Variants in NUP98 observed in about 807,000 individuals in gnomAD.
NUP98 encodes the protein nuclear pore complex protein Nup98-Nup96.
NUP98 carries 26 observed loss-of-function variants against 191.9 expected under a neutral mutation model. The ratio of observed to expected loss-of-function variants is 0.14; its 90% CI spans 0.10 to 0.19. The LOEUF is 0.19. Among genes scored for constraint, NUP98 ranks in the 10% least tolerant of loss-of-function variants. NUP98 has a pLI of 1.00. For missense variants in NUP98, 1,941 were observed against 2,178.8 expected (o/e 0.89, Z 2.17); for synonymous variants, 808 against 778.4 (o/e 1.04, Z -0.63).
chr11:3,731,526 T>G lies in NUP98; in HGVS notation c.1595A>C (p.His532Pro). The G allele has an allele frequency of 6.2e-7, 1 of 1,606,896 alleles. No homozygotes were observed. Among genetic ancestry groups the G allele is most frequent in the Non-Finnish European group, 8.5e-7 (1 of 1,176,210 alleles). Residue 532 changes from histidine (H) to proline (P), a missense_variant, in exon 14 of 33, where the codon CAT becomes CCT. Physicochemically the swap from His to Pro is moderately conservative, Grantham distance 77 (BLOSUM62 -2). This residue lies in a region of NUP98 where 453 missense variants were observed against 438.2 expected (regional missense o/e 1.03). Transcript: ENST00000324932. ...GGCAGGGCGGGGTGTCAGTTTATAATGAGTAGGTGTAGTAAGAGCCTTCTG... is the reference window on the plus strand; with the variant it reads ...GGCAGGGCGGGGTGTCAGTTTATAAGGAGTAGGTGTAGTAAGAGCCTTCTG... ...AAQKALTTPT[H>P]YKLTPRPATR...
chr11:3,772,792 C>A (rs1382419283), intron 6 of NUP98, among the ~76,000 whole-genome samples: 8 of 141,860 alleles, frequency 5.6e-5, no homozygotes, highest in Admixed American at 5.0e-4. Context: ...CCAGCCTAGG[C>A]AACAGAGCAA....
At chr11:3,747,867 G>A (rs1001911923) in intron 11 of NUP98, among the ~76,000 whole-genome samples, 15 of 152,164 alleles carry the variant, frequency 9.9e-5, no homozygotes, top group Admixed American at 9.8e-4. Context: ...CAAGTCTCAG[G>A]AAATGTTCCT....
intron 26 of NUP98, among the ~76,000 whole-genome samples, chr11:3,694,236 T>G (rs1385560685): frequency 1.3e-5 from 2 of 152,012 alleles, no homozygotes; most frequent in East Asian, 3.9e-4. Flanking sequence ...CCAGGCGTGG[T>G]GGCAGGCGCC....
chr11:3,739,395 C>G (rs1426289898), intron 12 of NUP98, among the ~76,000 whole-genome samples: 2 of 152,034 alleles, frequency 1.3e-5, no homozygotes, highest in Admixed American at 1.3e-4. Context: ...ATTACAGGTG[C>G]CTGCCGCCAC....
chr11:3,695,464 C>T lies in NUP98; in HGVS notation c.4152G>A (p.Leu1384=), dbSNP rs772406772. 1.3e-6 allele frequency: 2 copies of T among 1,556,886 alleles called. No homozygotes were observed. Among genetic ancestry groups the T allele is most frequent in the South Asian group, 2.4e-5 (2 of 82,754 alleles). ...IQDERLRIFA[L]LAGKPVWQLS... ...TAGAAGATACCGGTTTTCCAGCCAA[C>T]AGAGCAAAGATGCGCAGTCTCTCAT... Residue 1384 remains leucine (L), a synonymous_variant, in exon 26 of 33, where the codon CTG becomes CTA. Coordinates refer to ENST00000324932, the MANE Select transcript of NUP98 (RefSeq NM_016320.5).
intron 26 of NUP98, among the ~76,000 whole-genome samples, chr11:3,694,191 G>A (rs979444232): frequency 6.6e-6 from 1 of 151,934 alleles, no homozygotes; most frequent in African/African-American, 2.4e-5. Flanking sequence ...GGCCAACATG[G>A]GGAAACCCGT....
chr11:3,763,181 CA>C, intron 8 of NUP98, 142 bp from the exon 9 acceptor site: 1 of 729,510 alleles, frequency 1.4e-6, no homozygotes, highest in Non-Finnish European at 2.1e-6. Context: ...TTATTTCCTT[CA>C]AAACAACCCT....
chr11:3,713,839 T>G lies in NUP98; in HGVS notation c.2556A>C (p.Glu852Asp). ...QGAQFKEYRP[E>D]TGSWVFKVSH... ...ATACCTTAAACACCCAAGAACCAGT[T>G]TCAGGCCGGTATTCTTTGAATTGAG... The change falls in exon 19 of 33, where the codon GAA becomes GAC. Residue 852 changes from glutamate to aspartate, a missense_variant. Physicochemically the swap from Glu to Asp is conservative, Grantham distance 45. This residue lies in a region of NUP98 where 95 missense variants were observed against 139.7 expected (regional missense o/e 0.68). Coordinates refer to ENST00000324932, the MANE Select transcript of NUP98 (RefSeq NM_016320.5). 1 of 1,614,024 alleles carries G rather than the reference T, an allele frequency of 6.2e-7. No individual in the cohort carries two copies. Among genetic ancestry groups the G allele is most frequent in the East Asian group, 2.2e-5 (1 of 44,864 alleles).
intron 11 of NUP98, among the ~76,000 whole-genome samples, chr11:3,750,783 C>T (rs906855403): frequency 6.6e-6 from 1 of 152,120 alleles, no homozygotes; most frequent in African/African-American, 2.4e-5. Flanking sequence ...GGACTACAGG[C>T]ACATGCCACC....
chr11:3,676,030 TG>T lies in NUP98; in HGVS notation c.*128del. The stretch of plus-strand genomic sequence containing the variant: ...CTGAACAAGTGGAGGATGCTGCTTC[TG>T]GCAGCAGGGAGGGAGGGTAGATGCC... On this transcript the variant is annotated 3_prime_UTR_variant, in exon 33 of 33. Coordinates refer to ENST00000324932, the MANE Select transcript of NUP98 (RefSeq NM_016320.5). 1 of 791,236 alleles carries T rather than the reference TG, an allele frequency of 1.3e-6. No homozygotes were observed. Among genetic ancestry groups the T allele is most frequent in the African/African-American group, 1.7e-5 (1 of 58,148 alleles). The allele number at this position is 791,236 out of a possible 1,614,324, so 49.0% of individuals were successfully genotyped here.
intron 10 of NUP98, among the ~76,000 whole-genome samples, chr11:3,758,773 GAGAGACAGAGAGAGACAGAGAGAC>G (rs2081063434): frequency 1.3e-5 from 2 of 151,834 alleles, no homozygotes; most frequent in East Asian, 1.9e-4. Context: ...AGGGAGGGGA[GAGAGACAGAGAGAGACAGAGAGAC>G]AGAGACAGAG....
chr11:3,680,807 C>T (rs1031684065), intron 30 of NUP98, among the ~76,000 whole-genome samples: 1 of 152,182 alleles, frequency 6.6e-6, no homozygotes, highest in Non-Finnish European at 1.5e-5. Flanking sequence ...CTTGGCCCCC[C>T]AAAGTGCTGG....
chr11:3,783,894 TAAATA>T (rs1477351484), intron 1 of NUP98, among the ~76,000 whole-genome samples: 2 of 151,812 alleles, frequency 1.3e-5, no homozygotes, highest in African/African-American at 2.4e-5. Flanking sequence ...TAAAAAAAAA[TAAATA>T]AAATAAAAAT....
Position 3,771,736 on chromosome 11 carries a change from T to A in NUP98, c.784+12A>T, listed in dbSNP as rs748484986. The A allele has an allele frequency of 1.2e-5, 20 of 1,611,934 alleles. No individual in the cohort carries two copies. Among genetic ancestry groups the A allele is most frequent in the Non-Finnish European group, 1.7e-5 (20 of 1,178,014 alleles). ...CTCCTCAGTATAATCTAACATGATATCAAGTGCTTACTAGTTCCAAAGGCA... is the reference window on the plus strand; with the variant it reads ...CTCCTCAGTATAATCTAACATGATAACAAGTGCTTACTAGTTCCAAAGGCA... On this transcript the variant is annotated intron_variant, in intron 7 of 32. Transcript: ENST00000324932.
intron 20 of NUP98, among the ~76,000 whole-genome samples, chr11:3,708,205 C>T (rs572466161): frequency 2.1e-4 from 32 of 152,218 alleles, no homozygotes; most frequent in South Asian, 1.0e-3. Flanking sequence ...TTATTTATTT[C>T]GTTATTTCTA....
At chr11:3,689,507 A>G (rs1453837154) in intron 28 of NUP98, among the ~76,000 whole-genome samples, 2 of 152,020 alleles carry the variant, frequency 1.3e-5, no homozygotes, top group Non-Finnish European at 2.9e-5. Flanking sequence ...AGCCTGGGCA[A>G]CTGAGCAAGA....
chr11:3,764,632 G>A (rs1282432997), intron 8 of NUP98, among the ~76,000 whole-genome samples: 2 of 152,228 alleles, frequency 1.3e-5, no homozygotes, highest in Non-Finnish European at 2.9e-5. Flanking sequence ...AGGCTGGAGT[G>A]CAGTAGCACA....
chr11:3,773,372 G>C (rs1398124109), intron 6 of NUP98, among the ~76,000 whole-genome samples: 1 of 150,234 alleles, frequency 6.7e-6, no homozygotes. Flanking sequence ...TCCAGCCTGG[G>C]CAAAAAAGCC....
chr11:3,786,450 T>C (rs757106440), intron 1 of NUP98, among the ~76,000 whole-genome samples: 47 of 152,220 alleles, frequency 3.1e-4, no homozygotes, highest in Non-Finnish European at 5.4e-4. Context: ...TGGACTTATT[T>C]ATACCCACTG....
Sources: allele counts gnomAD v4.1 joint callset (sites outside exome capture counted in the v4.1 genomes callset), GRCh38; gene constraint gnomAD v4.1.1; regional missense constraint gnomAD v4.1.1; transcripts MANE v1.5; gene names NCBI Gene and HGNC (gene_info 2026-07-23, HGNC 2026-07-21).